PDE4D: variants seen among roughly 807,000 people sequenced by gnomAD.
PDE4D encodes the protein 3',5'-cyclic-AMP phosphodiesterase 4D.
Under a neutral mutation model 87.4 loss-of-function variants are expected in PDE4D, and 24 were observed. The observed-to-expected ratio is 0.27, with a 90% CI of 0.20 to 0.39. The LOEUF (loss-of-function observed/expected upper bound fraction) is 0.39, where lower values mean the gene tolerates loss of function less well. Among genes scored for constraint, PDE4D ranks in the 10% least tolerant of loss-of-function variants. PDE4D has a pLI of 1.00. For synonymous variants in PDE4D, 384 were observed against 383.2 expected (o/e 1.00, Z -0.02); for missense variants, 714 against 1,041.0 (o/e 0.69, Z 4.32).
intron 1 of PDE4D, among the ~76,000 whole-genome samples, chr5:59,438,859 G>C (rs1352791929): frequency 6.6e-6 from 1 of 152,054 alleles, no homozygotes; most frequent in East Asian, 1.9e-4. Flanking sequence ...ATCTAGAAAA[G>C]AAACAAAAGT....
At chr5:59,161,825 A>C (rs1015789193) in intron 5 of PDE4D, among the ~76,000 whole-genome samples, 2 of 152,234 alleles carry the variant, frequency 1.3e-5, no homozygotes, top group Non-Finnish European at 2.9e-5. Context: ...TTGCATCTCC[A>C]GCAAAGAGAT....
At chr5:60,164,548 T>G (rs575292455) in intron 2 of PDE4D, among the ~76,000 whole-genome samples, 3 of 152,192 alleles carry the variant, frequency 2.0e-5, no homozygotes, top group African/African-American at 7.2e-5. Flanking sequence ...TAGAAAAATA[T>G]ATGCGGCTGA....
At chr5:59,734,358 T>C (rs1376397172) in intron 1 of PDE4D, among the ~76,000 whole-genome samples, 2 of 152,148 alleles carry the variant, frequency 1.3e-5, no homozygotes, top group Non-Finnish European at 2.9e-5. Context: ...ACATATAAGT[T>C]ATAACTCACA....
intron 4 of PDE4D, among the ~76,000 whole-genome samples, chr5:59,183,548 A>C (rs536093114): frequency 1.3e-5 from 2 of 152,172 alleles, no homozygotes; most frequent in Admixed American, 6.6e-5. Flanking sequence ...TTAAAGACAA[A>C]AATCTCAGTT....
intron 1 of PDE4D, among the ~76,000 whole-genome samples, chr5:59,618,942 T>C (rs895316565): frequency 1.3e-5 from 2 of 152,112 alleles, no homozygotes; most frequent in African/African-American, 2.4e-5. Flanking sequence ...ACGTTGATAT[T>C]GGACTTTCCA....
At chr5:59,427,343 CT>C (rs1795443682) in intron 1 of PDE4D, among the ~76,000 whole-genome samples, 3 of 144,684 alleles carry the variant, frequency 2.1e-5, no homozygotes, top group African/African-American at 2.6e-5. Flanking sequence ...ACACACGCCC[CT>C]ATGCCAAAAT....
chr5:59,769,851 AT>A (rs1231095127), intron 1 of PDE4D, among the ~76,000 whole-genome samples: 57 of 151,904 alleles, frequency 3.8e-4, no homozygotes, highest in African/African-American at 1.3e-3. Context: ...AAAAAAAAAA[AT>A]GGAGACTGGA....
Position 58,975,889 on chromosome 5 carries a change from AAAAAAAAAC to A in PDE4D, c.1831-59_1831-51del. 7.9e-7 allele frequency: 1 copy of A among 1,267,876 alleles called. No individual in the cohort carries two copies. The highest frequency in any genetic ancestry group is 1.0e-6 in the Non-Finnish European group (1 of 955,822). The allele number at this position is 1,267,876 out of a possible 1,614,324, so 78.5% of individuals were successfully genotyped here. On this transcript the variant is annotated intron_variant, in intron 13 of 14. Coordinates refer to ENST00000340635, the MANE Select transcript of PDE4D (RefSeq NM_001104631.2). The surrounding 1 kb of genome is among the most constrained non-coding windows in gnomAD (Gnocchi z 4.2). Reference sequence around the variant, plus strand: ...ATTCACTCCTGTTCCTTTTTTTTAAAAAAAAAAACAAAAAAAACTAGAAATTCACATTGG... The same window carrying A: ...ATTCACTCCTGTTCCTTTTTTTTAAAAAAAAAAACTAGAAATTCACATTGG...
intron 1 of PDE4D, among the ~76,000 whole-genome samples, chr5:59,505,756 C>T (rs1809144868): frequency 6.6e-6 from 1 of 152,142 alleles, no homozygotes. Context: ...TTCAGATTTA[C>T]GTTGTTAAGA....
At chr5:60,495,445 T>C (rs1749761277) in intron 1 of PDE4D, among the ~76,000 whole-genome samples, 1 of 152,136 alleles carries the variant, frequency 6.6e-6, no homozygotes, top group Non-Finnish European at 1.5e-5. Context: ...GGAATCTGCC[T>C]TTTCATTGCC....
rs1170164138 is a variant in PDE4D at position 60,337,376 on chromosome 5, T to C, written c.-90+150566A>G. ...CTATATATATATATATATATATATA[T>C]ATATATATATATACACACACACACA... On this transcript the variant is annotated intron_variant, in intron 1 of 16. Transcript: ENST00000502484. 8.6e-3 allele frequency among the ~76,000 whole-genome samples: 1,024 copies of C among 118,744 alleles called. 35 individuals carry two copies. Among genetic ancestry groups the C allele is most frequent in the African/African-American group, 0.034 (974 of 28,554 alleles). 77.9% of individuals were successfully genotyped at this position (118,744 alleles called of 152,430 possible). A position where few individuals can be genotyped will look rare whatever the true frequency, so the allele number is the denominator to read the frequency against.
chr5:59,670,741 G>A (rs1234667999), intron 1 of PDE4D, among the ~76,000 whole-genome samples: 2 of 151,910 alleles, frequency 1.3e-5, no homozygotes, highest in African/African-American at 4.8e-5. Flanking sequence ...ATAATAAAGT[G>A]GAAAAAACTA....
intron 1 of PDE4D, chr5:60,430,807 C>T (rs930403860): frequency 4.8e-5 from 13 of 272,058 alleles, no homozygotes; most frequent in South Asian, 3.7e-4. Context: ...GCCCTTAATC[C>T]ATTTAACCCT....
intron 3 of PDE4D, among the ~76,000 whole-genome samples, chr5:59,971,426 G>C (rs962438709): frequency 2.0e-5 from 3 of 152,002 alleles, no homozygotes; most frequent in Non-Finnish European, 2.9e-5. Context: ...GGAAGAGACA[G>C]AGAGAGAAAT....
chr5:59,438,512 C>T (rs1168027694), intron 1 of PDE4D, among the ~76,000 whole-genome samples: 3 of 152,238 alleles, frequency 2.0e-5, no homozygotes, highest in Non-Finnish European at 4.4e-5. Flanking sequence ...TTACGTTTGT[C>T]GAGTTTTTAA....
At chr5:60,453,373 T>C (rs886662074) in intron 1 of PDE4D, among the ~76,000 whole-genome samples, 1 of 152,144 alleles carries the variant, frequency 6.6e-6, no homozygotes, top group Non-Finnish European at 1.5e-5. Context: ...ATTTTCCTAA[T>C]TCGATTTCAA....
chr5:59,611,630 C>T (rs1414968479), intron 1 of PDE4D, among the ~76,000 whole-genome samples: 1 of 152,136 alleles, frequency 6.6e-6, no homozygotes, highest in Non-Finnish European at 1.5e-5. Flanking sequence ...GCCTGGTACA[C>T]AGTAAATGTT....
intron 5 of PDE4D, among the ~76,000 whole-genome samples, chr5:59,054,914 C>T (rs1762125096): frequency 6.6e-6 from 1 of 152,154 alleles, no homozygotes; most frequent in African/African-American, 2.4e-5. Context: ...TTAAAAAACT[C>T]TCCCTCTACT....
intron 3 of PDE4D, among the ~76,000 whole-genome samples, chr5:59,931,694 C>CTT (rs35943138): frequency 0.13 from 16,377 of 126,500 alleles, 1,441 homozygotes; most frequent in African/African-American, 0.19. Context: ...TCTTCTTCTT[C>CTT]TTTTTTTTTT....
Sources: allele counts gnomAD v4.1 joint callset (sites outside exome capture counted in the v4.1 genomes callset), GRCh38; gene constraint gnomAD v4.1.1; non-coding constraint Gnocchi (gnomAD v3.1); transcripts MANE v1.5; gene names NCBI Gene and HGNC (gene_info 2026-07-23, HGNC 2026-07-21).